The following PRPF6 variants were observed in gnomAD, a reference collection of about 807,000 sequenced individuals.
The protein encoded by PRPF6 is pre-mRNA processing factor 6, also known as pre-mRNA-processing factor 6.
PRPF6 carries 42 observed loss-of-function variants against 118.3 expected under a neutral mutation model. The observed-to-expected ratio is 0.35, with a 90% CI of 0.28 to 0.46. The LOEUF (loss-of-function observed/expected upper bound fraction) is 0.46. Ranked by LOEUF, PRPF6 falls within the 20% of genes least tolerant of loss-of-function variation. The pLI, the probability that PRPF6 is intolerant of heterozygous loss-of-function variation, is 1.00. For missense variants in PRPF6, 662 were observed against 1,255.7 expected (o/e 0.53, Z 7.15); for synonymous variants, 481 against 485.1 (o/e 0.99, Z 0.11).
rs200663381 is a variant in PRPF6, at chr20:63,987,285, TC to T, written c.359+2261del. On this transcript the variant is annotated intron_variant, in intron 3 of 20. Coordinates refer to ENST00000266079, the MANE Select transcript of PRPF6 (RefSeq NM_012469.4). ...CCTTTGGGAGGCCCAGGCAGGCAGA[TC>T]ATTTGAGGTCAGGAGTTTGAGACCA... Among the ~76,000 whole-genome samples, 769 of 150,644 alleles carry T rather than the reference TC, an allele frequency of 5.1e-3. 5 individuals carry two copies. Among genetic ancestry groups the T allele is most frequent in the African/African-American group, 0.018 (718 of 40,982 alleles).
chr20:64,007,642 T>G (rs983127960), intron 9 of PRPF6, among the ~76,000 whole-genome samples: 1 of 151,368 alleles, frequency 6.6e-6, no homozygotes, highest in Non-Finnish European at 1.5e-5. Flanking sequence ...AATTTTTGTA[T>G]TTTTTGTAGA....
At chr20:64,016,118 T>C (rs1001143916) in intron 11 of PRPF6, among the ~76,000 whole-genome samples, 1 of 150,690 alleles carries the variant, frequency 6.6e-6, no homozygotes, top group Non-Finnish European at 1.5e-5. Flanking sequence ...ACCTTGACTC[T>C]CTCTCTTTTT....
chr20:64,013,106 A>C (rs1284379011), intron 11 of PRPF6, among the ~76,000 whole-genome samples: 1 of 152,110 alleles, frequency 6.6e-6, no homozygotes, highest in African/African-American at 2.4e-5. Flanking sequence ...CTGGGATTAC[A>C]GGCACCCGCC....
chr20:64,029,757 A>G lies in PRPF6; in HGVS notation c.2546+266A>G, dbSNP rs1207238938. 7.1e-5 allele frequency among the ~76,000 whole-genome samples: 8 copies of G among 112,748 alleles called. No homozygotes were observed. In the South Asian group the frequency reaches 1.9e-3, roughly 26 times the overall value. The allele number at this position is 112,748 out of a possible 152,430, so 74.0% of individuals were successfully genotyped here. A position where few individuals can be genotyped will look rare whatever the true frequency, so the allele number is the denominator to read the frequency against. On this transcript the variant is annotated intron_variant, in intron 19 of 20. Coordinates refer to ENST00000266079, the MANE Select transcript of PRPF6 (RefSeq NM_012469.4). This position sits in a 1 kb window ranked among gnomAD's most constrained non-coding sequence, Gnocchi z 4.8. ...CCGCCGGGTCACAGACTCACTGGGG[A>G]CGCGTGTGATTCACACTGGTGCGCT...
chr20:64,000,108 TGCCTGAATCCACCAC>T (rs972691954), intron 8 of PRPF6, among the ~76,000 whole-genome samples: 23 of 152,144 alleles, frequency 1.5e-4, no homozygotes, highest in Middle Eastern at 3.4e-3. Context: ...CCCGCCACCA[TGCCTGAATCCACCAC>T]GCCTGAATCC....
intron 13 of PRPF6, among the ~76,000 whole-genome samples, chr20:64,024,107 T>C (rs1204374867): frequency 6.6e-6 from 1 of 152,200 alleles, no homozygotes; most frequent in East Asian, 1.9e-4. Flanking sequence ...TTTTGCTCAA[T>C]AGTGACCTGA....
At chr20:63,999,540 C>T (rs201985642) in intron 7 of PRPF6, 63 bp from the exon 8 acceptor site, 1 of 1,597,650 alleles carries the variant, frequency 6.3e-7, no homozygotes, top group Non-Finnish European at 8.6e-7. Flanking sequence ...GTGCCCTCAT[C>T]CCAGGTCTCG....
chr20:64,024,351 C>A (rs2059278413), intron 13 of PRPF6, among the ~76,000 whole-genome samples: 1 of 152,192 alleles, frequency 6.6e-6, no homozygotes. Flanking sequence ...CTTTGTAGAA[C>A]CCTCTTCAGT....
At chr20:64,031,889 T>G (rs1184571804) in intron 19 of PRPF6, 29 bp from the exon 20 acceptor site, 1 of 1,613,920 alleles carries the variant, frequency 6.2e-7, no homozygotes, top group Non-Finnish European at 8.5e-7. Flanking sequence ...AGCCACTCAC[T>G]CTGGGTTCAC....
intron 19 of PRPF6, among the ~76,000 whole-genome samples, chr20:64,030,366 G>A (rs1364222248): frequency 2.0e-5 from 3 of 152,310 alleles, no homozygotes; most frequent in East Asian, 3.9e-4. Context: ...CCCTCCACCT[G>A]CCCCGCCATG....
intron 9 of PRPF6, among the ~76,000 whole-genome samples, chr20:64,004,003 G>A (rs1483712570): frequency 1.3e-5 from 2 of 152,186 alleles, no homozygotes; most frequent in Non-Finnish European, 2.9e-5. Flanking sequence ...ATAGTTCTTT[G>A]ATGAAGAGCC....
At chr20:64,007,109 T>C (rs1569218204) in intron 9 of PRPF6, among the ~76,000 whole-genome samples, 1 of 152,212 alleles carries the variant, frequency 6.6e-6, no homozygotes, top group Non-Finnish European at 1.5e-5. Flanking sequence ...GCCCCATAGC[T>C]TAGGCAGCTG....
In PRPF6 at chr20:64,028,589, C is replaced by G; in HGVS notation, c.2431+20C>G. 1 of 1,608,710 alleles carries G rather than the reference C, an allele frequency of 6.2e-7. No individual in the cohort carries two copies. The highest frequency in any genetic ancestry group is 2.2e-5 in the East Asian group (1 of 44,810). On this transcript the variant is annotated intron_variant, in intron 18 of 20. Coordinates refer to ENST00000266079, the MANE Select transcript of PRPF6 (RefSeq NM_012469.4). This position sits in a 1 kb window ranked among gnomAD's most constrained non-coding sequence, Gnocchi z 6.5. The stretch of plus-strand genomic sequence containing the variant: ...ACTCCGGTAAGGGGGTGCCCCGACT[C>G]CGGTAAGGGGGTGCCCTGACTCCGG...
intron 9 of PRPF6, among the ~76,000 whole-genome samples, chr20:64,004,047 A>C (rs1037307133): frequency 6.6e-6 from 1 of 152,230 alleles, no homozygotes; most frequent in Admixed American, 6.5e-5. Context: ...TTGTTTACTT[A>C]GAAAAGCTCT....
rs187242684 is a variant in PRPF6, at chr20:64,001,922, C to T, written c.1186+683C>T. On this transcript the variant is annotated intron_variant, in intron 9 of 20. Coordinates refer to ENST00000266079, the MANE Select transcript of PRPF6 (RefSeq NM_012469.4). The stretch of plus-strand genomic sequence containing the variant: ...GTGTGTAGTAGATGCTGCTCTTGAA[C>T]TGGGTCCAGAACGAGTGCTAGTCAG... 4.6e-5 allele frequency among the ~76,000 whole-genome samples: 7 copies of T among 151,448 alleles called. No individual in the cohort carries two copies. In the East Asian group the frequency reaches 1.4e-3, roughly 29 times the overall value.
intron 3 of PRPF6, among the ~76,000 whole-genome samples, chr20:63,985,324 G>A (rs896683979): frequency 1.3e-5 from 2 of 151,012 alleles, no homozygotes; most frequent in Admixed American, 1.3e-4. Flanking sequence ...ATTCCAGCCT[G>A]GTTGGCATAG....
In PRPF6 at chr20:64,024,702, G is replaced by A; in HGVS notation, c.1908+9G>A. On this transcript the variant is annotated intron_variant, in intron 14 of 20. Transcript: ENST00000266079. ...TGGCCCTGGCCTTCCAGGTGGGTGA[G>A]GGTTGCCTGTGTGGTGAGGGGCCTG... The A allele has an allele frequency of 6.2e-7, 1 of 1,611,340 alleles. No homozygotes were observed. The highest frequency in any genetic ancestry group is 8.5e-7 in the Non-Finnish European group (1 of 1,179,524).
chr20:64,014,608 G>A (rs1333989576), intron 11 of PRPF6, among the ~76,000 whole-genome samples: 3 of 152,066 alleles, frequency 2.0e-5, no homozygotes, highest in Admixed American at 6.6e-5. Flanking sequence ...GCAGTGAGCC[G>A]AGATCGTGAC....
rs1287291511 is a variant in PRPF6 at position 63,982,539 on chromosome 20, G to A, written c.72-508G>A. On this transcript the variant is annotated intron_variant, in intron 1 of 20. Transcript: ENST00000266079. ...CAGAGCATGGGTTGAAGTAGAGGAA[G>A]GCTAAAGGCAGGGAGAGGTAACTTG... Among the ~76,000 whole-genome samples, 4 of 152,220 alleles carry A rather than the reference G, an allele frequency of 2.6e-5. No homozygotes were observed. In the East Asian group the frequency reaches 7.7e-4, roughly 29 times the overall value.
Sources: gnomAD v4.1 joint callset for allele counts (sites outside exome capture counted in the v4.1 genomes callset) on GRCh38, gnomAD v4.1.1 for gene constraint, Gnocchi (gnomAD v3.1) non-coding constraint, MANE v1.5 for transcripts, NCBI Gene and HGNC (gene_info 2026-07-23, HGNC 2026-07-21) for gene names.